PTPRF: variants seen among roughly 807,000 people sequenced by gnomAD.
The protein encoded by PTPRF is protein tyrosine phosphatase receptor type F.
In PTPRF, 59 loss-of-function variants were observed where a neutral mutation model predicts 201.8. The observed-to-expected ratio is 0.29, with a 90% CI of 0.24 to 0.36. The LOEUF (loss-of-function observed/expected upper bound fraction) is 0.36, where lower values mean the gene tolerates loss of function less well. Ranked by LOEUF, PTPRF falls within the 10% of genes least tolerant of loss-of-function variation. The pLI, the probability that PTPRF is intolerant of heterozygous loss-of-function variation, is 1.00. For missense variants in PTPRF, 2,132 were observed against 2,690.5 expected (o/e 0.79, Z 4.59); for synonymous variants, 1,088 against 1,089.7 (o/e 1.00, Z 0.03).
At chr1:43,615,183 A>C (rs1207747552) in intron 23 of PTPRF, among the ~76,000 whole-genome samples, 17 of 152,204 alleles carry the variant, frequency 1.1e-4, no homozygotes, top group Non-Finnish European at 2.2e-4. Context: ...CTTGGCAGGC[A>C]AATGGATGAG....
rs550682360 is a variant in PTPRF at position 43,616,574 on chromosome 1, G to A, written c.4072-871G>A. Among the ~76,000 whole-genome samples the A allele has an allele frequency of 5.9e-5, 9 of 152,110 alleles. No homozygotes were observed. In the South Asian group the frequency reaches 6.2e-4, roughly 11 times the overall value. The stretch of plus-strand genomic sequence containing the variant: ...ACCAGAACCTGGTGACTGGCAGGGC[G>A]GGGTTGGTGGAGGCCGGAGGAATTT... On this transcript the variant is annotated intron_variant, in intron 23 of 33. Transcript: ENST00000359947.
At chr1:43,545,424 T>C (rs1021583607) in intron 3 of PTPRF, among the ~76,000 whole-genome samples, 1 of 152,110 alleles carries the variant, frequency 6.6e-6, no homozygotes, top group Non-Finnish European at 1.5e-5. Context: ...GTGAGACCTG[T>C]CCTGGATTCA....
intron 16 of PTPRF, among the ~76,000 whole-genome samples, chr1:43,604,686 C>T (rs1049432109): frequency 1.3e-5 from 2 of 152,218 alleles, no homozygotes; most frequent in East Asian, 1.9e-4. Flanking sequence ...TGGCATCCCC[C>T]GCCCTGTTTG....
chr1:43,549,792 C>T (rs1443282866), intron 3 of PTPRF, among the ~76,000 whole-genome samples: 1 of 151,310 alleles, frequency 6.6e-6, no homozygotes, highest in Non-Finnish European at 1.5e-5. Context: ...GAGGTGGAGG[C>T]GGAGGTTACA....
rs369236165 is a variant in PTPRF at position 43,597,776 on chromosome 1, G to A, written c.1842G>A (p.Met614Ile). The A allele has an allele frequency of 7.7e-6, 12 of 1,563,740 alleles. No individual in the cohort carries two copies. Among genetic ancestry groups the A allele is most frequent in the Middle Eastern group, 1.7e-4 (1 of 5,852 alleles). Residue 614 changes from methionine (M) to isoleucine (I), a missense_variant, in exon 12 of 34, where the codon ATG becomes ATA. Physicochemically the swap from Met to Ile is conservative, Grantham distance 10 (BLOSUM62 1). Transcript: ENST00000359947. ...CCTCCGCCCCTCCCCAGAAGGTGAT[G>A]TGTGTGAGCATGGGCTCCACCACGG... ...STPSAPPQKV[M>I]CVSMGSTTVR...
At chr1:43,547,808 T>G (rs1376722318) in intron 3 of PTPRF, among the ~76,000 whole-genome samples, 1 of 152,204 alleles carries the variant, frequency 6.6e-6, no homozygotes, top group African/African-American at 2.4e-5. Flanking sequence ...AGTGGAGATT[T>G]GGGCACACAT....
intron 22 of PTPRF, among the ~76,000 whole-genome samples, chr1:43,610,881 A>C (rs923403867): frequency 2.3e-4 from 35 of 152,200 alleles, no homozygotes; most frequent in African/African-American, 8.0e-4. Flanking sequence ...AAACAAATAA[A>C]TAAAATTCTA....
chr1:43,622,113 G>A lies in PTPRF; in HGVS notation c.*110G>A. On this transcript the variant is annotated 3_prime_UTR_variant, in exon 34 of 34. Coordinates refer to ENST00000359947, the MANE Select transcript of PTPRF (RefSeq NM_002840.5). ...GCCCTCCTACGCAGATGCTGTCACT[G>A]GCAGAGCACAGCCCACGGGGATCAC... is the stretch of plus-strand genomic sequence containing the variant. 1 of 1,178,784 alleles carries A rather than the reference G, an allele frequency of 8.5e-7. No individual in the cohort carries two copies. Among genetic ancestry groups the A allele is most frequent in the African/African-American group, 1.5e-5 (1 of 66,690 alleles). 73.0% of individuals were successfully genotyped at this position (1,178,784 alleles called of 1,614,324 possible).
In PTPRF at chr1:43,604,124, G is replaced by C; in HGVS notation, c.2972G>C (p.Trp991Ser). The C allele has an allele frequency of 1.2e-6, 2 of 1,614,194 alleles. No homozygotes were observed. The highest frequency in any genetic ancestry group is 1.7e-6 in the Non-Finnish European group (2 of 1,180,054). The stretch of plus-strand genomic sequence containing the variant: ...ACTTACGACATCAAGGTCCGCGCAT[G>C]GACCAGCAAAGGCTCTGGCCCACTC... ...DTTYDIKVRA[W>S]TSKGSGPLSP... is the part of the protein sequence containing the mutation. Residue 991 changes from tryptophan (W) to serine (S), a missense_variant, in exon 16 of 34, where the codon TGG (tryptophan) becomes TCG (serine). Trp to Ser is a radical substitution (Grantham distance 177). Around this residue, in one of 6 missense-constraint regions of PTPRF, gnomAD observed 818 missense variants for 915.3 expected, o/e 0.89. Coordinates refer to ENST00000359947, the MANE Select transcript of PTPRF (RefSeq NM_002840.5).
chr1:43,547,203 G>T (rs1306894437), intron 3 of PTPRF, among the ~76,000 whole-genome samples: 1 of 145,752 alleles, frequency 6.9e-6, no homozygotes, highest in African/African-American at 2.5e-5. Context: ...CACCCACCAC[G>T]CTGACTTCTT....
At chr1:43,534,009 TTCA>T (rs1170460438) in intron 1 of PTPRF, among the ~76,000 whole-genome samples, 1 of 151,738 alleles carries the variant, frequency 6.6e-6, no homozygotes, top group African/African-American at 2.4e-5. Context: ...ATTGCAAGAG[TTCA>T]TCAAGAGACG....
At chr1:43,555,193 T>C (rs1375928153) in intron 5 of PTPRF, among the ~76,000 whole-genome samples, 2 of 152,128 alleles carry the variant, frequency 1.3e-5, no homozygotes, top group Non-Finnish European at 2.9e-5. Flanking sequence ...TCGATACCTG[T>C]TCCTTTTTGA....
chr1:43,603,610 G>A lies in PTPRF; in HGVS notation c.2459-1G>A. 1 of 1,612,824 alleles carries A rather than the reference G, an allele frequency of 6.2e-7. No individual in the cohort carries two copies. Among genetic ancestry groups the A allele is most frequent in the Non-Finnish European group, 8.5e-7 (1 of 1,179,422 alleles). ...CCAGAGCCCAGCCCGTGGTCCTTCA[G>A]TCCCAGGCCGGCCCACCATGATGAT... On this transcript the variant is annotated splice_acceptor_variant, in intron 15 of 33. Transcript: ENST00000359947. LOFTEE classifies it high-confidence loss of function. This position sits in a 1 kb window ranked among gnomAD's most constrained non-coding sequence, Gnocchi z 5.8.
chr1:43,559,448 C>T (rs1645632632), intron 5 of PTPRF, among the ~76,000 whole-genome samples: 1 of 151,876 alleles, frequency 6.6e-6, no homozygotes, highest in Non-Finnish European at 1.5e-5. Flanking sequence ...GGGCAGTAGG[C>T]AGTGTGTGTG....
intron 7 of PTPRF, among the ~76,000 whole-genome samples, chr1:43,587,477 A>G (rs759411929): frequency 2.0e-5 from 3 of 152,162 alleles, no homozygotes; most frequent in Non-Finnish European, 2.9e-5. Flanking sequence ...TGACCCCTGT[A>G]TGGTGAGGTC....
In PTPRF at chr1:43,617,830, C is replaced by T. The variant is rs761032411; in HGVS notation, c.4290C>T (p.Thr1430=). Residue 1430 remains threonine (T), a synonymous_variant, in exon 25 of 34, where the codon ACC becomes ACT. Coordinates refer to ENST00000359947, the MANE Select transcript of PTPRF (RefSeq NM_002840.5). The stretch of plus-strand genomic sequence containing the variant: ...CCACGCAGGGCCCCCTGCCCGAGAC[C>T]ATGGGTGATTTCTGGAGGATGGTGT... ...YIATQGPLPE[T]MGDFWRMVWE... 1 of 1,613,878 alleles carries T rather than the reference C, an allele frequency of 6.2e-7. No homozygotes were observed. Among genetic ancestry groups the T allele is most frequent in the African/African-American group, 1.3e-5 (1 of 74,926 alleles).
At position 43,573,977 on chromosome 1, in the gene PTPRF, C is replaced by CTTTTTTT. The variant is rs77543816; in HGVS notation, c.568+4229_568+4235dup. On this transcript the variant is annotated intron_variant, in intron 6 of 33. Coordinates refer to ENST00000359947, the MANE Select transcript of PTPRF (RefSeq NM_002840.5). ...CAAAGAGGGTTTGCTTGTGTGGGTT[C>CTTTTTTT]TTTTTTTTTTTTTTTTTTTTTTTTT... 5.2e-4 allele frequency among the ~76,000 whole-genome samples: 33 copies of CTTTTTTT among 63,916 alleles called. 9 individuals are homozygous for CTTTTTTT. Among genetic ancestry groups the CTTTTTTT allele is most frequent in the South Asian group, 1.8e-3 (2 of 1,092 alleles). The allele number at this position is 63,916 out of a possible 152,430, so 41.9% of individuals were successfully genotyped here.
In PTPRF at chr1:43,619,087, T is replaced by C. The variant is rs759154108; in HGVS notation, c.4531T>C (p.Phe1511Leu). 37 of 1,613,882 alleles carry C rather than the reference T, an allele frequency of 2.3e-5. No individual in the cohort carries two copies. Among genetic ancestry groups the C allele is most frequent in the Non-Finnish European group, 2.7e-5 (32 of 1,179,980 alleles). ...SEKRELRQFQ[F>L]MAWPDHGVPE... ...GAAGCGCGAGCTGCGTCAGTTTCAG[T>C]TCATGGCCTGGCCAGACCATGGAGT... is the stretch of plus-strand genomic sequence containing the variant. Residue 1511 changes from phenylalanine to leucine, a missense_variant, in exon 27 of 34, where the codon TTC (phenylalanine) becomes CTC (leucine). Coordinates refer to ENST00000359947, the MANE Select transcript of PTPRF (RefSeq NM_002840.5).
At chr1:43,589,873 A>G (rs1395833784) in intron 8 of PTPRF, among the ~76,000 whole-genome samples, 1 of 152,014 alleles carries the variant, frequency 6.6e-6, no homozygotes. Flanking sequence ...CTATGAAAAA[A>G]AAAAAAACCA....
Sources: gnomAD v4.1 joint callset for allele counts (sites outside exome capture counted in the v4.1 genomes callset) on GRCh38, gnomAD v4.1.1 for gene constraint, gnomAD v4.1.1 regional missense constraint, Gnocchi (gnomAD v3.1) non-coding constraint, MANE v1.5 for transcripts, NCBI Gene and HGNC (gene_info 2026-07-23, HGNC 2026-07-21) for gene names.